Variants in SNU13 observed in about 807,000 individuals in gnomAD.
The protein encoded by SNU13 is NHP2-like protein 1.
SNU13 carries 2 observed loss-of-function variants against 12.4 expected under a neutral mutation model. That is an observed-to-expected ratio of 0.16 (90% CI 0.07 to 0.51). The LOEUF (loss-of-function observed/expected upper bound fraction) is 0.51, where lower values mean the gene tolerates loss of function less well. SNU13 is among the 20% of genes least tolerant of loss of function. SNU13 has a pLI of 0.96. For synonymous variants in SNU13, 68 were observed against 66.5 expected (o/e 1.02, Z -0.11); for missense variants, 66 against 157.8 (o/e 0.42, Z 3.12).
intron 2 of SNU13, among the ~76,000 whole-genome samples, chr22:41,676,472 C>A (rs1302516649): frequency 1.3e-5 from 2 of 151,924 alleles, no homozygotes; most frequent in Non-Finnish European, 2.9e-5. Flanking sequence ...TAAAATAATT[C>A]TACCTAACAG....
rs755941857 is a variant in SNU13 at position 41,675,098 on chromosome 22, T to C, written c.222A>G (p.Glu74=). The C allele has an allele frequency of 8.2e-5, 133 of 1,614,068 alleles. 2 individuals carry two copies. The South Asian group carries it at 1.4e-3, about 17-fold the overall frequency. Residue 74 remains glutamate (E), a synonymous_variant, in exon 3 of 3, where the codon GAA becomes GAG. Transcript: ENST00000401959. ...EIILHLPLLC[E]DKNVPYVFVR... is the part of the protein sequence containing the mutation. ...CAAACACGTAGGGCACATTCTTGTC[T>C]TCACACAGCAGCGGCAGGTGCAGAA...
At position 41,674,603 on chromosome 22, in the gene SNU13, T is replaced by G. The variant is rs1489011531; in HGVS notation, c.*330A>C. ...CAACAGGAAGCTAGTGGCTGAAAGC[T>G]GGAACCAGATCTCTGTCCTGGCTCC... On this transcript the variant is annotated 3_prime_UTR_variant, in exon 3 of 3. Transcript: ENST00000401959. 3.4e-6 allele frequency: 1 copy of G among 293,694 alleles called. No homozygotes were observed. Among genetic ancestry groups the G allele is most frequent in the Non-Finnish European group, 6.5e-6 (1 of 153,460 alleles). 18.2% of individuals were successfully genotyped at this position (293,694 alleles called of 1,614,324 possible).
chr22:41,680,533 G>GA (rs1401630847), intron 1 of SNU13, among the ~76,000 whole-genome samples, 169 bp from the exon 2 acceptor site: 2 of 151,480 alleles, frequency 1.3e-5, no homozygotes, highest in Non-Finnish European at 2.9e-5. Flanking sequence ...TCCTACCTTC[G>GA]AAAAAAAGGA....
upstream of SNU13, chr22:41,690,427 GT>G: frequency 1.4e-6 from 1 of 719,656 alleles, no homozygotes; most frequent in Non-Finnish European, 2.6e-6. Context: ...CCCCAATACT[GT>G]CCTTACCTGC....
At chr22:41,689,100 G>T, upstream of SNU13, 1 of 1,120,330 alleles carries the variant, frequency 8.9e-7, no homozygotes, top group South Asian at 3.8e-5. Context: ...AGCGGCTTAT[G>T]GCTGTAATCC....
At chr22:41,676,534 T>G (rs2068216120) in intron 2 of SNU13, among the ~76,000 whole-genome samples, 1 of 149,896 alleles carries the variant, frequency 6.7e-6, no homozygotes, top group South Asian at 2.1e-4. Flanking sequence ...CCTAATTCTT[T>G]TTTTTTTTTG....
At chr22:41,687,119 G>C (rs937204151) in intron 1 of SNU13, among the ~76,000 whole-genome samples, 2 of 150,798 alleles carry the variant, frequency 1.3e-5, no homozygotes, top group Non-Finnish European at 2.9e-5. Context: ...ACCACGCCTG[G>C]CTAATTTTTT....
At chr22:41,690,385 A>G (rs769792514), upstream of SNU13, 4 of 718,176 alleles carry the variant, frequency 5.6e-6, no homozygotes, top group African/African-American at 1.7e-5. Flanking sequence ...TGTTTAAAAC[A>G]AGTTCTTCCT....
At chr22:41,680,623 G>A (rs2068255299) in intron 1 of SNU13, among the ~76,000 whole-genome samples, 1 of 152,228 alleles carries the variant, frequency 6.6e-6, no homozygotes, top group African/African-American at 2.4e-5. Context: ...CCGAATGTTT[G>A]ATAATATTAC....
At chr22:41,687,328 A>G (rs978384093) in intron 1 of SNU13, among the ~76,000 whole-genome samples, 3 of 152,214 alleles carry the variant, frequency 2.0e-5, no homozygotes, top group African/African-American at 7.2e-5. Flanking sequence ...CAACTATGAT[A>G]TGTCAATTTA....
At chr22:41,684,672 G>T (rs1476984190) in intron 1 of SNU13, among the ~76,000 whole-genome samples, 1 of 152,242 alleles carries the variant, frequency 6.6e-6, no homozygotes, top group East Asian at 1.9e-4. Flanking sequence ...AAAATTTGCA[G>T]GGCTTGCTTT....
At chr22:41,687,085 T>C (rs2068317020) in intron 1 of SNU13, among the ~76,000 whole-genome samples, 1 of 151,742 alleles carries the variant, frequency 6.6e-6, no homozygotes, top group South Asian at 2.1e-4. Context: ...GCCTCCCAAG[T>C]AGCTGGGATT....
chr22:41,685,135 A>G (rs1009521675), intron 1 of SNU13, among the ~76,000 whole-genome samples: 39 of 146,474 alleles, frequency 2.7e-4, no homozygotes, highest in African/African-American at 9.5e-4. Flanking sequence ...AGCCTGGGCG[A>G]AAGAGTGAAA....
At chr22:41,676,191 A>G (rs953180475) in intron 2 of SNU13, among the ~76,000 whole-genome samples, 1 of 152,122 alleles carries the variant, frequency 6.6e-6, no homozygotes, top group Non-Finnish European at 1.5e-5. Context: ...GAGTTTTACC[A>G]TCTCAATCTG....
At chr22:41,689,628 T>G (rs2068343966), upstream of SNU13, among the ~76,000 whole-genome samples, 1 of 148,828 alleles carries the variant, frequency 6.7e-6, no homozygotes, top group South Asian at 2.1e-4. Flanking sequence ...ATCGCACCAC[T>G]GCACACTGCA....
intron 1 of SNU13, among the ~76,000 whole-genome samples, chr22:41,685,968 CAAA>C (rs546316422): frequency 2.4e-4 from 30 of 126,026 alleles, no homozygotes; most frequent in Non-Finnish European, 2.7e-4. Flanking sequence ...GACTCTGTCT[CAAA>C]AAAAAAAAAA....
Position 41,674,853 on chromosome 22 carries a change from T to C in SNU13, c.*80A>G. The C allele has an allele frequency of 6.6e-7, 1 of 1,522,444 alleles. No homozygotes were observed. The highest frequency in any genetic ancestry group is 8.9e-7 in the Non-Finnish European group (1 of 1,125,896). The allele number at this position is 1,522,444 out of a possible 1,614,324, so 94.3% of individuals were successfully genotyped here. A position where few individuals can be genotyped will look rare whatever the true frequency, so the allele number is the denominator to read the frequency against. On this transcript the variant is annotated 3_prime_UTR_variant, in exon 3 of 3. Coordinates refer to ENST00000401959, the MANE Select transcript of SNU13 (RefSeq NM_001003796.2). Reference sequence around the variant, plus strand: ...TATAACAATAGAGAGTAGCTGAAAATACTACATGCTAACACAGATAATATG... The same window carrying C: ...TATAACAATAGAGAGTAGCTGAAAACACTACATGCTAACACAGATAATATG...
intron 1 of SNU13, among the ~76,000 whole-genome samples, chr22:41,684,472 C>A (rs183314412): frequency 6.6e-6 from 1 of 152,094 alleles, no homozygotes; most frequent in Admixed American, 6.6e-5. Context: ...TTTCTTCCCC[C>A]CTCTGCCCTT....
Position 41,680,235 on chromosome 22 carries a change from C to T in SNU13, c.124+9G>A. ...AACATTCCCCCAGAGCATCCTGTGG[C>T]TGCCTTACCCTCATTGGCTCCTTTC... On this transcript the variant is annotated intron_variant, in intron 2 of 2. Transcript: ENST00000401959. The T allele has an allele frequency of 6.2e-7, 1 of 1,607,540 alleles. No individual in the cohort carries two copies. The highest frequency in any genetic ancestry group is 8.5e-7 in the Non-Finnish European group (1 of 1,175,748).
Sources: gnomAD v4.1 joint callset for allele counts (sites outside exome capture counted in the v4.1 genomes callset) on GRCh38, gnomAD v4.1.1 for gene constraint, MANE v1.5 for transcripts, NCBI Gene and HGNC (gene_info 2026-07-23, HGNC 2026-07-21) for gene names.